IREB2: variants seen among roughly 807,000 people sequenced by gnomAD.
The protein encoded by IREB2 is iron responsive element binding protein 2.
A neutral mutation model predicts 118.8 loss-of-function variants in IREB2; 39 were observed. That is an observed-to-expected ratio of 0.33 (90% CI 0.25 to 0.43). The LOEUF (loss-of-function observed/expected upper bound fraction) is 0.43. IREB2 is among the 20% of genes least tolerant of loss of function. The pLI is 1.00. For synonymous variants in IREB2, 372 were observed against 392.2 expected (o/e 0.95, Z 0.61); for missense variants, 900 against 1,147.3 (o/e 0.78, Z 3.11).
chr15:78,471,664 T>C lies in IREB2; in HGVS notation c.700-77T>C, dbSNP rs530600027. The C allele has an allele frequency of 2.1e-5, 17 of 812,836 alleles. No homozygotes were observed. In the East Asian group the frequency reaches 4.7e-4, roughly 23 times the overall value. 50.4% of individuals were successfully genotyped at this position (812,836 alleles called of 1,614,324 possible). ...TGAACATTAGTTAAAATATTTTTAATGTTAATATTACACCTTGATTGTGAG... is the reference window on the plus strand; with the variant it reads ...TGAACATTAGTTAAAATATTTTTAACGTTAATATTACACCTTGATTGTGAG... On this transcript the variant is annotated intron_variant, in intron 6 of 21. Transcript: ENST00000258886.
At chr15:78,464,669 G>A (rs2051251347) in intron 3 of IREB2, among the ~76,000 whole-genome samples, 3 of 151,958 alleles carry the variant, frequency 2.0e-5, no homozygotes, top group East Asian at 3.9e-4. Context: ...CTGCAGCATC[G>A]ACCTCCTGGG....
chr15:78,473,447 T>C (rs1357963106), intron 8 of IREB2, 66 bp downstream of exon 8: 3 of 1,401,648 alleles, frequency 2.1e-6, no homozygotes, highest in African/African-American at 2.9e-5. Flanking sequence ...TGAAGAGCTC[T>C]ATGAGAGCAG....
At chr15:78,465,005 G>A (rs967065142) in intron 3 of IREB2, among the ~76,000 whole-genome samples, 7 of 152,098 alleles carry the variant, frequency 4.6e-5, no homozygotes, top group Non-Finnish European at 1.0e-4. Flanking sequence ...CCTGAAGTTC[G>A]CTTATGCCTC....
At chr15:78,446,790 A>G (rs1184376789) in intron 2 of IREB2, among the ~76,000 whole-genome samples, 1 of 151,550 alleles carries the variant, frequency 6.6e-6, no homozygotes, top group Non-Finnish European at 1.5e-5. Flanking sequence ...TGCTGTAGCC[A>G]AGGAGGCCAC....
intron 12 of IREB2, 103 bp downstream of exon 12, chr15:78,485,023 T>A: frequency 9.8e-7 from 1 of 1,015,390 alleles, no homozygotes; most frequent in Non-Finnish European, 1.4e-6. Context: ...GTGTCTACAT[T>A]TGATATTGAG....
At chr15:78,481,362 C>T (rs1339082529) in intron 10 of IREB2, among the ~76,000 whole-genome samples, 1 of 151,420 alleles carries the variant, frequency 6.6e-6, no homozygotes, top group East Asian at 1.9e-4. Flanking sequence ...GCCACCATGC[C>T]CGGCTTTTTT....
intron 2 of IREB2, among the ~76,000 whole-genome samples, chr15:78,441,326 G>A (rs1001908369): frequency 2.6e-5 from 4 of 152,176 alleles, no homozygotes; most frequent in Admixed American, 2.0e-4. Flanking sequence ...AAGGAAGTTG[G>A]TCATTTTCTT....
intron 2 of IREB2, among the ~76,000 whole-genome samples, chr15:78,456,723 A>C (rs1225059847): frequency 6.6e-6 from 1 of 152,000 alleles, no homozygotes; most frequent in African/African-American, 2.4e-5. Context: ...CTTATTTGAT[A>C]ATTGCTTTTT....
At chr15:78,460,838 AAAAT>A (rs2141472661) in intron 2 of IREB2, among the ~76,000 whole-genome samples, 1 of 152,278 alleles carries the variant, frequency 6.6e-6, no homozygotes, top group African/African-American at 2.4e-5. Flanking sequence ...CCAGATTTTA[AAAAT>A]AAGCTTCATT....
At position 78,439,782 on chromosome 15, in the gene IREB2, A is replaced by ATT; in HGVS notation, c.20-5_20-4dup. 11 of 1,449,292 alleles carry ATT rather than the reference A, an allele frequency of 7.6e-6. No individual in the cohort carries two copies. The highest frequency in any genetic ancestry group is 3.7e-5 in the South Asian group (3 of 80,048). The allele number at this position is 1,449,292 out of a possible 1,614,324, so 89.8% of individuals were successfully genotyped here. On this transcript the variant is annotated splice_polypyrimidine_tract_variant and intron_variant, in intron 1 of 21. Transcript: ENST00000258886. ...TGTTGCTGCATTTAATGAAAATACA[A>ATT]TTTTTTTTTCAGGATACGCCTTTGA...
intron 1 of IREB2, chr15:78,438,747 C>A (rs1238201116): frequency 2.3e-5 from 7 of 301,018 alleles, no homozygotes; most frequent in Non-Finnish European, 4.5e-5. Flanking sequence ...CCTGCGTCTC[C>A]GTGTTCGGGT....
intron 2 of IREB2, 23 bp from the exon 3 acceptor site, chr15:78,462,899 A>G: frequency 6.5e-7 from 1 of 1,548,322 alleles, no homozygotes; most frequent in Non-Finnish European, 8.7e-7. Context: ...TTGCTTATTA[A>G]TAGTAATATT....
intron 1 of IREB2, chr15:78,438,569 C>T (rs1293431147): frequency 2.4e-5 from 14 of 583,918 alleles, no homozygotes; most frequent in Non-Finnish European, 3.7e-5. Flanking sequence ...TGCGCGACAC[C>T]CGCAGGGCGG....
At chr15:78,473,164 C>A in intron 7 of IREB2, 78 bp from the exon 8 acceptor site, 1 of 1,364,470 alleles carries the variant, frequency 7.3e-7, no homozygotes. Context: ...GCTCATGAAA[C>A]ACCTAGAGAT....
chr15:78,480,453 G>A (rs1205225130), intron 10 of IREB2, among the ~76,000 whole-genome samples: 1 of 149,558 alleles, frequency 6.7e-6, no homozygotes, highest in African/African-American at 2.5e-5. Flanking sequence ...GCTGAGGCAG[G>A]CAGATCACCT....
intron 2 of IREB2, among the ~76,000 whole-genome samples, chr15:78,448,126 AATGT>A (rs565311963): frequency 3.9e-5 from 6 of 152,150 alleles, no homozygotes; most frequent in African/African-American, 7.2e-5. Context: ...TCTCAATGGC[AATGT>A]ATGTATGTAT....
At chr15:78,459,906 G>C (rs1383679732) in intron 2 of IREB2, among the ~76,000 whole-genome samples, 2 of 152,168 alleles carry the variant, frequency 1.3e-5, no homozygotes, top group East Asian at 1.9e-4. Context: ...CTTCTTTGGG[G>C]TTTCATTTTA....
chr15:78,457,475 A>G (rs2051125173), intron 2 of IREB2, among the ~76,000 whole-genome samples: 1 of 152,114 alleles, frequency 6.6e-6, no homozygotes, highest in Non-Finnish European at 1.5e-5. Context: ...TGCTTGATTA[A>G]TTGATAGTTT....
chr15:78,438,792 C>T (rs949110040), intron 1 of IREB2: 2 of 199,678 alleles, frequency 1.0e-5, no homozygotes, highest in Admixed American at 5.6e-5. Flanking sequence ...ACGGTCCAGC[C>T]TAAGGCCCCT....
Sources: allele counts gnomAD v4.1 joint callset (sites outside exome capture counted in the v4.1 genomes callset), GRCh38; gene constraint gnomAD v4.1.1; transcripts MANE v1.5; gene names NCBI Gene and HGNC (gene_info 2026-07-23, HGNC 2026-07-21).